The following WNT7B variants were observed in gnomAD, a reference collection of about 807,000 sequenced individuals.
WNT7B encodes the protein Wnt family member 7B.
A neutral mutation model predicts 38.2 loss-of-function variants in WNT7B; 19 were observed. The ratio of observed to expected loss-of-function variants is 0.50; its 90% CI spans 0.35 to 0.73. The LOEUF is 0.73. Among genes scored for constraint, WNT7B ranks in the 30% least tolerant of loss-of-function variants. The pLI is 0.01. For synonymous variants in WNT7B, 243 were observed against 209.3 expected, an observed-to-expected ratio of 1.16 and a Z score of -1.39; for missense variants, 423 against 507.9, an observed-to-expected ratio of 0.83 and a Z score of 1.61.
At position 45,920,844 on chromosome 22, in the gene WNT7B, T is replaced by C. The variant is rs1930908892; in HGVS notation, c.*2012A>G. ...AGACACTATAGACATTTCGACGCTATATAACAACATAAGTTAACCAGGTTC... is the reference window on the plus strand; with the variant it reads ...AGACACTATAGACATTTCGACGCTACATAACAACATAAGTTAACCAGGTTC... On this transcript the variant is annotated 3_prime_UTR_variant, in exon 4 of 4. Coordinates refer to ENST00000339464, the MANE Select transcript of WNT7B (RefSeq NM_058238.3). The C allele has an allele frequency of 6.6e-6, 1 of 152,114 alleles. No individual in the cohort carries two copies. Among genetic ancestry groups the C allele is most frequent in the Non-Finnish European group, 1.5e-5 (1 of 68,034 alleles). 9.4% of individuals were successfully genotyped at this position (152,114 alleles called of 1,614,324 possible). A position where few individuals can be genotyped will look rare whatever the true frequency, so the allele number is the denominator to read the frequency against.
At chr22:45,947,083 C>A (rs971428322) in intron 2 of WNT7B, among the ~76,000 whole-genome samples, 2 of 152,238 alleles carry the variant, frequency 1.3e-5, no homozygotes, top group Admixed American at 6.5e-5. Flanking sequence ...CCCTGATCAG[C>A]CCCTCTTCCT....
intron 3 of WNT7B, among the ~76,000 whole-genome samples, chr22:45,929,395 TCCTTCCATCCAC>T (rs948043012): frequency 4.2e-5 from 6 of 144,574 alleles, no homozygotes; most frequent in African/African-American, 1.5e-4. Context: ...CACCCATCCA[TCCTTCCATCCAC>T]CCGTGAATCC....
intron 1 of WNT7B, among the ~76,000 whole-genome samples, chr22:45,973,670 A>C (rs1349919211): frequency 6.6e-6 from 1 of 152,202 alleles, no homozygotes; most frequent in African/African-American, 2.4e-5. Context: ...AAGGCCGCTC[A>C]GTCCAAAAAG....
At chr22:45,941,373 T>C (rs1203740482) in intron 2 of WNT7B, among the ~76,000 whole-genome samples, 3 of 151,920 alleles carry the variant, frequency 2.0e-5, no homozygotes, top group African/African-American at 7.3e-5. Context: ...TAGTCTGGTG[T>C]GGTGGCAGGG....
At chr22:45,933,287 T>C (rs1353345847) in intron 2 of WNT7B, among the ~76,000 whole-genome samples, 1 of 152,170 alleles carries the variant, frequency 6.6e-6, no homozygotes, top group Non-Finnish European at 1.5e-5. Flanking sequence ...ATCAGCCTCC[T>C]CTGAGCTGCA....
At chr22:45,926,329 A>G (rs1931081810) in intron 3 of WNT7B, 2 of 985,272 alleles carry the variant, frequency 2.0e-6, no homozygotes, top group Admixed American at 1.2e-4. Context: ...GGGGAGCTGC[A>G]GGCTGCCGCA....
At chr22:45,932,688 G>A (rs1397072118) in intron 2 of WNT7B, among the ~76,000 whole-genome samples, 2 of 152,184 alleles carry the variant, frequency 1.3e-5, no homozygotes, top group Non-Finnish European at 2.9e-5. Flanking sequence ...CCCAGCGCCT[G>A]GTCCATGTGG....
chr22:45,936,542 T>C (rs1931518797), intron 2 of WNT7B, among the ~76,000 whole-genome samples: 2 of 152,264 alleles, frequency 1.3e-5, no homozygotes, highest in African/African-American at 4.8e-5. Context: ...GGTCAGAAAT[T>C]GCCTGGCCAT....
At chr22:45,923,469 C>T (rs933788486) in intron 3 of WNT7B, 134 bp from the exon 4 acceptor site, 1 of 1,319,742 alleles carries the variant, frequency 7.6e-7, no homozygotes. Flanking sequence ...GTGAGTGTCT[C>T]TCCCTCTCTG....
At chr22:45,946,558 C>A (rs917342410) in intron 2 of WNT7B, among the ~76,000 whole-genome samples, 1 of 152,178 alleles carries the variant, frequency 6.6e-6, no homozygotes, top group Non-Finnish European at 1.5e-5. Flanking sequence ...ACAGAAGACA[C>A]AAGAGACAAG....
intron 3 of WNT7B, among the ~76,000 whole-genome samples, chr22:45,928,416 A>C (rs1443759843): frequency 1.3e-5 from 2 of 152,138 alleles, no homozygotes; most frequent in Non-Finnish European, 2.9e-5. Context: ...GGCAGTGAGG[A>C]GTTGGGGGAC....
rs573144286 is a variant in WNT7B at position 45,969,649 on chromosome 22, C to T, written c.71+7035G>A. 2.0e-5 allele frequency among the ~76,000 whole-genome samples: 3 copies of T among 152,388 alleles called. No individual in the cohort carries two copies. In the East Asian group the frequency reaches 5.8e-4, roughly 29 times the overall value. ...TTCCAGGCCAACACACCCGTCCAAC[C>T]TGATCAGTGGCAGGGGCCCAGGCAT... On this transcript the variant is annotated intron_variant, in intron 1 of 3. Transcript: ENST00000339464.
intron 2 of WNT7B, among the ~76,000 whole-genome samples, chr22:45,944,633 G>T (rs1931750989): frequency 6.6e-6 from 1 of 152,262 alleles, no homozygotes; most frequent in African/African-American, 2.4e-5. Flanking sequence ...CCTGGGGCCT[G>T]CAGACCACCA....
At chr22:45,963,661 C>G (rs1016470806) in intron 1 of WNT7B, among the ~76,000 whole-genome samples, 1 of 152,164 alleles carries the variant, frequency 6.6e-6, no homozygotes, top group Non-Finnish European at 1.5e-5. Context: ...CCTTTGGGCT[C>G]TGCCTCTTCC....
intron 3 of WNT7B, among the ~76,000 whole-genome samples, chr22:45,930,221 G>A (rs78022299): frequency 2.8e-4 from 43 of 152,302 alleles, no homozygotes; most frequent in South Asian, 8.3e-4. Context: ...TCTCTGCCCC[G>A]TGCCCAGCCT....
At chr22:45,953,512 G>C (rs1931987405) in intron 1 of WNT7B, among the ~76,000 whole-genome samples, 1 of 152,188 alleles carries the variant, frequency 6.6e-6, no homozygotes, top group African/African-American at 2.4e-5. Flanking sequence ...CAGTACTTAA[G>C]AACCACATCT....
At chr22:45,954,985 G>A (rs1932025947) in intron 1 of WNT7B, among the ~76,000 whole-genome samples, 1 of 152,268 alleles carries the variant, frequency 6.6e-6, no homozygotes, top group African/African-American at 2.4e-5. Context: ...CACTCAGGTA[G>A]AAGAAGGAGT....
intron 1 of WNT7B, among the ~76,000 whole-genome samples, chr22:45,969,841 G>A (rs935255308): frequency 6.6e-6 from 1 of 152,152 alleles, no homozygotes. Context: ...TCCACCCAGC[G>A]ACCCTCCTAG....
At chr22:45,957,793 G>T (rs963896148) in intron 1 of WNT7B, among the ~76,000 whole-genome samples, 1 of 151,888 alleles carries the variant, frequency 6.6e-6, no homozygotes, top group East Asian at 1.9e-4. Flanking sequence ...CCGCACGGGG[G>T]GTGCTAGCCC....
Sources: gnomAD v4.1 joint callset for allele counts (sites outside exome capture counted in the v4.1 genomes callset) on GRCh38, gnomAD v4.1.1 for gene constraint, MANE v1.5 for transcripts, NCBI Gene and HGNC (gene_info 2026-07-23, HGNC 2026-07-21) for gene names.